Variants in MYO19 observed in about 807,000 individuals in gnomAD.
MYO19 encodes unconventional myosin-XIX.
A neutral mutation model predicts 129.2 loss-of-function variants in MYO19; 132 were observed. That is an observed-to-expected ratio of 1.02 (90% CI 0.89 to 1.18). MYO19 has a LOEUF of 1.18. MYO19 is among the 50% of genes most tolerant of loss of function. The pLI, the probability that MYO19 is intolerant of heterozygous loss-of-function variation, is 0.00. For synonymous variants in MYO19, 531 were observed against 477.2 expected (o/e 1.11, Z -1.47); for missense variants, 1,210 against 1,216.7 (o/e 0.99, Z 0.08).
At position 36,514,505 on chromosome 17, in the gene MYO19, C is replaced by T; in HGVS notation, c.661G>A (p.Glu221Lys). 2 of 1,613,726 alleles carry T rather than the reference C, an allele frequency of 1.2e-6. No individual in the cohort carries two copies. The highest frequency in any genetic ancestry group is 1.7e-6 in the Non-Finnish European group (2 of 1,179,676). The change falls in exon 9 of 26, where the codon GAG (glutamate) becomes AAG (lysine). Residue 221 changes from glutamate (E) to lysine (K), a missense_variant. Transcript: ENST00000614623. ...TGAAVQTYLL[E>K]KTRVACQASS... ...GCCTGGCAGGCCACTCGAGTTTTCT[C>T]TAGGAGGTAGGTCTGGACTGCGGCT...
intron 11 of MYO19, chr17:36,512,516 C>T: frequency 2.1e-6 from 2 of 940,406 alleles, no homozygotes; most frequent in Non-Finnish European, 2.8e-6. Flanking sequence ...ACAACTTGCT[C>T]CAGAAGACTG....
Position 36,501,164 on chromosome 17 carries a change from G to A in MYO19, c.2152C>T (p.Leu718=), listed in dbSNP as rs1210056574. The A allele has an allele frequency of 2.5e-6, 4 of 1,613,934 alleles. No individual in the cohort carries two copies. The highest frequency in any genetic ancestry group is 3.4e-6 in the Non-Finnish European group (4 of 1,179,900). ...IQDILHTLPV[L]TQAAAITGDS... ...CCAGTTATGGCTGCTGCCTGAGTTA[G>A]GACCGGCAGAGTGTGGAGAATGTCC... Residue 718 remains leucine, a synonymous_variant, in exon 22 of 26, where the codon CTA becomes TTA. Transcript: ENST00000614623.
chr17:36,540,334 G>A (rs938265606), intron 2 of MYO19, among the ~76,000 whole-genome samples: 4 of 151,474 alleles, frequency 2.6e-5, no homozygotes, highest in Admixed American at 1.3e-4. Context: ...TACAGGCGTC[G>A]TGATCCTGGC....
At chr17:36,506,914 C>A in intron 17 of MYO19, 49 bp downstream of exon 17, 1 of 1,489,202 alleles carries the variant, frequency 6.7e-7, no homozygotes, top group Non-Finnish European at 9.0e-7. Flanking sequence ...TAGCAAAGAC[C>A]CAGCATCTCG....
intron 5 of MYO19, among the ~76,000 whole-genome samples, chr17:36,525,965 T>G (rs1177213544): frequency 6.6e-6 from 1 of 152,190 alleles, no homozygotes; most frequent in African/African-American, 2.4e-5. Flanking sequence ...AGACTGCCCC[T>G]GGATTCCAAC....
intron 6 of MYO19, among the ~76,000 whole-genome samples, chr17:36,524,458 G>A (rs906021792): frequency 6.6e-6 from 1 of 152,236 alleles, no homozygotes; most frequent in Non-Finnish European, 1.5e-5. Flanking sequence ...CGAGGCAGCT[G>A]GGTGAGGCTT....
At position 36,532,509 on chromosome 17, in the gene MYO19, C is replaced by T; in HGVS notation, c.12+18G>A. The T allele has an allele frequency of 1.3e-6, 2 of 1,554,416 alleles. No homozygotes were observed. Among genetic ancestry groups the T allele is most frequent in the Non-Finnish European group, 8.7e-7 (1 of 1,148,488 alleles). ...GCAGGTGCTTGAGGGCCTGGGTTAT[C>T]TAAGGTTGAGGTTTTACCTGCTGGA... On this transcript the variant is annotated intron_variant, in intron 3 of 25. Transcript: ENST00000614623.
chr17:36,538,320 G>C, upstream of MYO19: 1 of 1,613,988 alleles, frequency 6.2e-7, no homozygotes, highest in Middle Eastern at 1.6e-4. Flanking sequence ...AGGAGCTCTA[G>C]TACCATGTTC....
chr17:36,517,534 C>G (rs1474441625), intron 6 of MYO19, among the ~76,000 whole-genome samples: 1 of 152,204 alleles, frequency 6.6e-6, no homozygotes, highest in East Asian at 1.9e-4. Context: ...TGCTGGATTA[C>G]AGGCGTGAGC....
intron 11 of MYO19, chr17:36,512,827 G>C (rs1337317274): frequency 8.0e-7 from 1 of 1,257,282 alleles, no homozygotes; most frequent in South Asian, 1.3e-5. Flanking sequence ...TGTCAGCAAA[G>C]ACAGAAGGGA....
chr17:36,513,530 C>G (rs757909710), intron 10 of MYO19, 25 bp from the exon 11 acceptor site: 3 of 1,613,628 alleles, frequency 1.9e-6, no homozygotes, highest in East Asian at 4.5e-5. Flanking sequence ...AAGTTCGGGG[C>G]AGAGGTCAGC....
intron 24 of MYO19, 71 bp from the exon 25 acceptor site, chr17:36,498,630 CTATCTT>C: frequency 6.9e-7 from 1 of 1,454,632 alleles, no homozygotes; most frequent in Non-Finnish European, 9.2e-7. Flanking sequence ...GAAATCAAAA[CTATCTT>C]TAACAAATCA....
chr17:36,498,976 C>T, intron 24 of MYO19, 99 bp downstream of exon 24: 1 of 968,610 alleles, frequency 1.0e-6, no homozygotes, highest in Non-Finnish European at 1.6e-6. Flanking sequence ...CTGCCCAAGG[C>T]CACCTGCATT....
chr17:36,497,749 C>G (rs1374962969), intron 25 of MYO19: 1 of 162,050 alleles, frequency 6.2e-6, no homozygotes, highest in Non-Finnish European at 1.3e-5. Flanking sequence ...TACGCCCAAC[C>G]AATTTTTGTA....
chr17:36,499,399 G>T, intron 23 of MYO19: 1 of 335,000 alleles, frequency 3.0e-6, no homozygotes, highest in Non-Finnish European at 5.9e-6. Context: ...GGGGCACTGG[G>T]GAGAAGGACT....
At chr17:36,538,032 G>C (rs1036184103), upstream of MYO19, 1 of 1,614,050 alleles carries the variant, frequency 6.2e-7, no homozygotes, top group Non-Finnish European at 8.5e-7. Flanking sequence ...CTCTACCCTG[G>C]GGTATGTGGC....
intron 5 of MYO19, among the ~76,000 whole-genome samples, chr17:36,526,673 G>A (rs567636642): frequency 1.8e-4 from 28 of 152,130 alleles, no homozygotes; most frequent in African/African-American, 5.8e-4. Flanking sequence ...GATCACTTGA[G>A]GTCAGGAGTT....
In MYO19 at chr17:36,497,568, CTAT is replaced by C. The variant is rs561340838; in HGVS notation, c.2757+695_2757+697del. 8 of 984,142 alleles carry C rather than the reference CTAT, an allele frequency of 8.1e-6. No individual in the cohort carries two copies. The South Asian group carries it at 2.4e-4, about 29-fold the overall frequency. The allele number at this position is 984,142 out of a possible 1,614,324, so 61.0% of individuals were successfully genotyped here. A position where few individuals can be genotyped will look rare whatever the true frequency, so the allele number is the denominator to read the frequency against. On this transcript the variant is annotated intron_variant, in intron 25 of 25. Coordinates refer to ENST00000614623, the MANE Select transcript of MYO19 (RefSeq NM_001163735.2). ...ATTTTTCCTCTTTTCTGTAATTGAC[CTAT>C]TATTACCCTAAACCAAACTTTTTTT... is the stretch of plus-strand genomic sequence containing the variant.
intron 14 of MYO19, chr17:36,508,815 C>T (rs2072106121): frequency 1.9e-6 from 1 of 528,708 alleles, no homozygotes; most frequent in Admixed American, 3.3e-5. Flanking sequence ...AGGTAAAGGG[C>T]TCTTTCAGAC....
Sources: allele counts gnomAD v4.1 joint callset (sites outside exome capture counted in the v4.1 genomes callset), GRCh38; gene constraint gnomAD v4.1.1; transcripts MANE v1.5; gene names NCBI Gene and HGNC (gene_info 2026-07-23, HGNC 2026-07-21).